The following RASAL3 variants were observed in gnomAD, a reference collection of about 807,000 sequenced individuals.
The protein encoded by RASAL3 is RAS protein activator like 3.
Under a neutral mutation model 105.5 loss-of-function variants are expected in RASAL3, and 74 were observed. The ratio of observed to expected loss-of-function variants is 0.70; its 90% confidence interval spans 0.58 to 0.85. The LOEUF is 0.85. Ranked by LOEUF, RASAL3 falls within the 40% of genes least tolerant of loss-of-function variation. The pLI is 0.00. For missense variants in RASAL3, 1,352 were observed against 1,392.0 expected (o/e 0.97, Z 0.46); for synonymous variants, 579 against 591.6 (o/e 0.98, Z 0.31).
intron 5 of RASAL3, 112 bp downstream of exon 5, chr19:15,460,948 A>C: frequency 1.0e-6 from 1 of 953,856 alleles, no homozygotes; most frequent in Non-Finnish European, 1.7e-6. Flanking sequence ...TCTGAGGCCC[A>C]AAGAGGGTCA....
rs1260695178 is a variant in RASAL3, at chr19:15,461,476, C to T, written c.460G>A (p.Glu154Lys). ...TCCCAGGTGCCCCCTCTCACCTCCT[C>T]CTCTCCTCCAAGCAGCACCAGCTTC... is the stretch of plus-strand genomic sequence containing the variant. ...DGKLVLLGGE[E>K]EGPRRPRVGS... is the part of the protein sequence containing the mutation. The change falls in exon 3 of 18, where the codon GAG (glutamate) becomes AAG (lysine). Residue 154 changes from glutamate (E) to lysine (K), a missense_variant. This residue lies in a region of RASAL3 where 344 missense variants were observed against 339.6 expected (regional missense o/e 1.01). Transcript: ENST00000343625. 6.5e-7 allele frequency: 1 copy of T among 1,548,990 alleles called. No individual in the cohort carries two copies. Among genetic ancestry groups the T allele is most frequent in the East Asian group, 2.4e-5 (1 of 40,996 alleles).
rs1336044172 is a variant in RASAL3, at chr19:15,453,596, CCTTT to C, written c.2280-103_2280-100del. ...GACCTCACCCCCCACGTGAACTTGT[CCTTT>C]CTTTTTTTTTTTTGAGACAAGGTCT... On this transcript the variant is annotated intron_variant, in intron 14 of 17. Coordinates refer to ENST00000343625, the MANE Select transcript of RASAL3 (RefSeq NM_022904.3). This position sits in a 1 kb window ranked among gnomAD's most constrained non-coding sequence, Gnocchi z 4.2. 10 of 1,262,852 alleles carry C rather than the reference CCTTT, an allele frequency of 7.9e-6. No individual in the cohort carries two copies. The highest frequency in any genetic ancestry group is 1.6e-5 in the South Asian group (1 of 63,634). 78.2% of individuals were successfully genotyped at this position (1,262,852 alleles called of 1,614,324 possible). A position where few individuals can be genotyped will look rare whatever the true frequency, so the allele number is the denominator to read the frequency against.
intron 14 of RASAL3, 110 bp downstream of exon 14, chr19:15,454,039 C>A: frequency 1.3e-6 from 1 of 771,614 alleles, no homozygotes; most frequent in African/African-American, 1.8e-5. Flanking sequence ...TCCCGTCTGA[C>A]CCTGGGCTTG....
intron 14 of RASAL3, 21 bp downstream of exon 14, chr19:15,454,128 C>T (rs377246821): frequency 5.9e-6 from 9 of 1,529,308 alleles, no homozygotes; most frequent in Non-Finnish European, 8.0e-6. Flanking sequence ...CCATCAGACC[C>T]CAGACCAGAC....
rs1446595628 is a variant in RASAL3, at chr19:15,452,578, G to T, written c.2828+80C>A. 394 of 865,924 alleles carry T rather than the reference G, an allele frequency of 4.6e-4. 1 individual carries two copies. The highest frequency in any genetic ancestry group is 5.1e-4 in the Non-Finnish European group (336 of 664,116). The allele number at this position is 865,924 out of a possible 1,614,324, so 53.6% of individuals were successfully genotyped here. A position where few individuals can be genotyped will look rare whatever the true frequency, so the allele number is the denominator to read the frequency against. On this transcript the variant is annotated intron_variant, in intron 16 of 17. Transcript: ENST00000343625. Reference sequence around the variant, plus strand: ...CTTGGCCGTGCTAGGCGTGGTTTGGGGGGGGGGGGGAGGGCCTGGTCAGAT... The same window carrying T: ...CTTGGCCGTGCTAGGCGTGGTTTGGTGGGGGGGGGGAGGGCCTGGTCAGAT...
At position 15,456,205 on chromosome 19, in the gene RASAL3, T is replaced by C. The variant is rs1441866550; in HGVS notation, c.1620A>G (p.Glu540=). The change falls in exon 11 of 18, where the codon GAA becomes GAG. Residue 540 remains glutamate (E), a synonymous_variant. Coordinates refer to ENST00000343625, the MANE Select transcript of RASAL3 (RefSeq NM_022904.3). This position sits in a 1 kb window ranked among gnomAD's most constrained non-coding sequence, Gnocchi z 4.4. ...RRLCASTEDC[E]VDPSKCPASE... ...AGGCTGGACATTTGCTGGGGTCCAC[T>C]TCACAGTCCTCAGTAGAAGCACAGA... 2 of 1,613,816 alleles carry C rather than the reference T, an allele frequency of 1.2e-6. No homozygotes were observed. The highest frequency in any genetic ancestry group is 1.7e-6 in the Non-Finnish European group (2 of 1,179,816).
intron 15 of RASAL3, 43 bp from the exon 16 acceptor site, chr19:15,452,858 C>T (rs1970202393): frequency 1.1e-5 from 17 of 1,492,952 alleles, no homozygotes; most frequent in Non-Finnish European, 1.5e-5. Context: ...TTGTCCCGCC[C>T]CTGTGTCTCC....
At chr19:15,460,072 C>A in intron 6 of RASAL3, 131 bp downstream of exon 6, 1 of 738,430 alleles carries the variant, frequency 1.4e-6, no homozygotes, top group Non-Finnish European at 2.2e-6. Context: ...ATGTCCCCAG[C>A]ATCAACTGAT....
Position 15,456,149 on chromosome 19 carries a change from C to T in RASAL3, c.1676G>A (p.Arg559Gln), listed in dbSNP as rs776931516. Reference sequence around the variant, plus strand: ...TTCGAAGACCTCCTCGCAGCTGTTCCGAAGTCTGGCCTGGTGCTCTGGCAG... The same window carrying T: ...TTCGAAGACCTCCTCGCAGCTGTTCTGAAGTCTGGCCTGGTGCTCTGGCAG... ...SELPEHQARL[R>Q]NSCEEVFETI... Residue 559 changes from arginine (R) to glutamine (Q), a missense_variant, in exon 11 of 18, where the codon CGG (arginine) becomes CAG (glutamine). Around this residue, in one of 3 missense-constraint regions of RASAL3, gnomAD observed 920 missense variants for 919.6 expected, o/e 1.00. Coordinates refer to ENST00000343625, the MANE Select transcript of RASAL3 (RefSeq NM_022904.3). The surrounding 1 kb of genome is among the most constrained non-coding windows in gnomAD (Gnocchi z 4.4). The T allele has an allele frequency of 1.1e-5, 18 of 1,613,832 alleles. No individual in the cohort carries two copies. Among genetic ancestry groups the T allele is most frequent in the Middle Eastern group, 1.7e-4 (1 of 6,058 alleles).
At position 15,453,918 on chromosome 19, in the gene RASAL3, T is replaced by C. The variant is rs1970236615; in HGVS notation, c.2279+231A>G. ...GGCTCCTGTCCTTGACTTCTGACTATAATACTGTCCTCTCTATGACCCTTG... is the reference window on the plus strand; with the variant it reads ...GGCTCCTGTCCTTGACTTCTGACTACAATACTGTCCTCTCTATGACCCTTG... On this transcript the variant is annotated intron_variant, in intron 14 of 17. Coordinates refer to ENST00000343625, the MANE Select transcript of RASAL3 (RefSeq NM_022904.3). The surrounding 1 kb of genome is among the most constrained non-coding windows in gnomAD (Gnocchi z 4.2). 1.3e-5 allele frequency among the ~76,000 whole-genome samples: 2 copies of C among 152,078 alleles called. No individual in the cohort carries two copies. Among genetic ancestry groups the C allele is most frequent in the African/African-American group, 4.8e-5 (2 of 41,408 alleles).
intron 5 of RASAL3, 101 bp from the exon 6 acceptor site, chr19:15,460,359 A>G: frequency 9.7e-7 from 1 of 1,029,730 alleles, no homozygotes; most frequent in Non-Finnish European, 1.5e-6. Flanking sequence ...TGGAGGACCA[A>G]CACCAAGCTC....
In RASAL3 at chr19:15,456,897, A is replaced by G. The variant is rs536430819; in HGVS notation, c.1432-251T>C. On this transcript the variant is annotated intron_variant, in intron 9 of 17. Coordinates refer to ENST00000343625, the MANE Select transcript of RASAL3 (RefSeq NM_022904.3). This position sits in a 1 kb window ranked among gnomAD's most constrained non-coding sequence, Gnocchi z 4.4. ...CGCGTGATGCTCAGGCCCCTGTCGC[A>G]GCTGAAGCTTAGGCTCCGCTCTTCA... is the stretch of plus-strand genomic sequence containing the variant. The G allele has an allele frequency of 1.9e-4, 109 of 562,458 alleles. No individual in the cohort carries two copies. The highest frequency in any genetic ancestry group is 1.7e-3 in the African/African-American group (87 of 52,436). The allele number at this position is 562,458 out of a possible 1,614,324, so 34.8% of individuals were successfully genotyped here. A position where few individuals can be genotyped will look rare whatever the true frequency, so the allele number is the denominator to read the frequency against.
At chr19:15,452,506 A>G in intron 16 of RASAL3, 152 bp downstream of exon 16, 1 of 688,770 alleles carries the variant, frequency 1.5e-6, no homozygotes, top group Non-Finnish European at 2.3e-6. Context: ...GGGGCTTGCC[A>G]AGAGGCAGGG....
intron 8 of RASAL3, 113 bp downstream of exon 8, chr19:15,458,215 G>T: frequency 1.1e-6 from 1 of 920,076 alleles, no homozygotes. Context: ...TGCAGGCGGG[G>T]CAGGTGTGTT....
rs376764638 is a variant in RASAL3 at position 15,456,564 on chromosome 19, G to A, written c.1514C>T (p.Ala505Val). 2 of 1,613,672 alleles carry A rather than the reference G, an allele frequency of 1.2e-6. No individual in the cohort carries two copies. The highest frequency in any genetic ancestry group is 2.7e-5 in the African/African-American group (2 of 74,934). The change falls in exon 10 of 18, where the codon GCC (alanine) becomes GTC (valine). Residue 505 changes from alanine (A) to valine (V), a missense_variant. Physicochemically the swap from Ala to Val is moderately conservative, Grantham distance 64. Transcript: ENST00000343625. The surrounding 1 kb of genome is among the most constrained non-coding windows in gnomAD (Gnocchi z 4.4). ...CATGTACTCATCGATAGCCTTGGTG[G>A]CCAATGTGTTTTCCCGGAACAGCAG... The part of the protein sequence containing the change: ...EALLFRENTL[A>V]TKAIDEYMKL...
chr19:15,459,239 C>CTATTTATTTATTTATT (rs34335057), intron 6 of RASAL3, among the ~76,000 whole-genome samples: 28,877 of 144,350 alleles, frequency 0.2, 3,305 homozygotes, highest in Middle Eastern at 0.25. Context: ...GTGCCCAGCC[C>CTATTTATTTATTTATT]TATTTATTTA....
At position 15,454,815 on chromosome 19, in the gene RASAL3, G is replaced by C; in HGVS notation, c.1800C>G (p.Gly600=). 6.3e-7 allele frequency: 1 copy of C among 1,591,356 alleles called. No homozygotes were observed. The highest frequency in any genetic ancestry group is 8.6e-7 in the Non-Finnish European group (1 of 1,169,184). ...ACKERGSEVL[G]PRLVCASLFL... ...AGAGGGAGGCGCACACCAGTCGGGG[G>C]CCCAGCACCTCAGAGCCACGTTCTT... The change falls in exon 12 of 18, where the codon GGC becomes GGG. Residue 600 remains glycine, a synonymous_variant. Coordinates refer to ENST00000343625, the MANE Select transcript of RASAL3 (RefSeq NM_022904.3).
rs868757073 is a variant in RASAL3, at chr19:15,462,906, G to A, written c.328+1125C>T. On this transcript the variant is annotated intron_variant, in intron 2 of 17. Transcript: ENST00000343625. ...GCGGAGCTTGCGGTGAGCCGAGATCGCGCCACTGCACTCCAGCCTGGGCAA... is the reference window on the plus strand; with the variant it reads ...GCGGAGCTTGCGGTGAGCCGAGATCACGCCACTGCACTCCAGCCTGGGCAA... 2.1e-3 allele frequency among the ~76,000 whole-genome samples: 307 copies of A among 148,954 alleles called. 2 individuals carry two copies. Among genetic ancestry groups the A allele is most frequent in the Middle Eastern group, 0.011 (3 of 278 alleles).
chr19:15,451,739 C>T lies in RASAL3; in HGVS notation c.*56G>A. On this transcript the variant is annotated 3_prime_UTR_variant, in exon 18 of 18. Transcript: ENST00000343625. ...GCTAAGGCAAAGTCAGACACCCCCC[C>T]TAAGATGGCTATCTCTCTGCTCCCA... The T allele has an allele frequency of 2.6e-6, 4 of 1,542,196 alleles. No homozygotes were observed. The highest frequency in any genetic ancestry group is 3.5e-6 in the Non-Finnish European group (4 of 1,137,330).
Sources: gnomAD v4.1 joint callset for allele counts (sites outside exome capture counted in the v4.1 genomes callset) on GRCh38, gnomAD v4.1.1 for gene constraint, gnomAD v4.1.1 regional missense constraint, Gnocchi (gnomAD v3.1) non-coding constraint, MANE v1.5 for transcripts, NCBI Gene and HGNC (gene_info 2026-07-23, HGNC 2026-07-21) for gene names.